CCSER1: variants seen among roughly 807,000 people sequenced by gnomAD.
The protein encoded by CCSER1 is serine-rich coiled-coil domain-containing protein 1.
A neutral mutation model predicts 82.0 loss-of-function variants in CCSER1; 41 were observed. The ratio of observed to expected loss-of-function variants is 0.50; its 90% confidence interval spans 0.39 to 0.65. CCSER1 has a LOEUF of 0.65. CCSER1 is among the 30% of genes least tolerant of loss of function. The probability of loss-of-function intolerance (pLI) is 0.00; values close to 1 mark genes in which losing one functional copy is unlikely to be tolerated. For missense variants in CCSER1, 1,119 were observed against 1,064.2 expected (o/e 1.05, Z -0.72); for synonymous variants, 414 against 383.9 (o/e 1.08, Z -0.92).
chr4:90,705,019 G>T (rs113685453), intron 6 of CCSER1, among the ~76,000 whole-genome samples: 34,477 of 152,150 alleles, frequency 0.23, 4,935 homozygotes, highest in African/African-American at 0.4. Flanking sequence ...CTGGTGAGGA[G>T]CTGTGTTCCT....
intron 5 of CCSER1, among the ~76,000 whole-genome samples, chr4:90,510,062 C>T (rs1771273103): frequency 6.6e-6 from 1 of 152,128 alleles, no homozygotes; most frequent in South Asian, 2.1e-4. Context: ...TTTAACATTT[C>T]TCCTTAGATG....
At chr4:91,217,030 G>GCGCGT (rs1352817317) in intron 10 of CCSER1, among the ~76,000 whole-genome samples, 1 of 152,116 alleles carries the variant, frequency 6.6e-6, no homozygotes, top group East Asian at 1.9e-4. Context: ...TCTTAAGGTG[G>GCGCGT]CGCGTCGCGA....
At chr4:91,082,049 A>G (rs1722821071) in intron 9 of CCSER1, among the ~76,000 whole-genome samples, 1 of 152,214 alleles carries the variant, frequency 6.6e-6, no homozygotes, top group Non-Finnish European at 1.5e-5. Context: ...TCTTCACAGA[A>G]GTGGAAAAAA....
At chr4:90,516,059 A>G (rs1305015543) in intron 5 of CCSER1, among the ~76,000 whole-genome samples, 1 of 152,196 alleles carries the variant, frequency 6.6e-6, no homozygotes, top group Non-Finnish European at 1.5e-5. Flanking sequence ...TGCAATTGCA[A>G]TATTGTAAGT....
At chr4:90,232,554 T>G (rs975262664) in intron 1 of CCSER1, among the ~76,000 whole-genome samples, 22 of 149,542 alleles carry the variant, frequency 1.5e-4, no homozygotes, top group Admixed American at 2.0e-4. Flanking sequence ...ATTCAGGACA[T>G]AGGCATGGGC....
chr4:91,229,471 A>G (rs1401477548), intron 10 of CCSER1, among the ~76,000 whole-genome samples: 1 of 152,116 alleles, frequency 6.6e-6, no homozygotes, highest in African/African-American at 2.4e-5. Flanking sequence ...TAGAACTCAG[A>G]GGATTAATTC....
intron 10 of CCSER1, among the ~76,000 whole-genome samples, chr4:91,498,889 CAT>C (rs1203209736): frequency 6.6e-6 from 1 of 151,886 alleles, no homozygotes; most frequent in Non-Finnish European, 1.5e-5. Context: ...TTATACATTT[CAT>C]ATTGCTTATA....
chr4:91,540,290 C>A (rs112176458), intron 10 of CCSER1, among the ~76,000 whole-genome samples: 41 of 152,210 alleles, frequency 2.7e-4, no homozygotes, highest in African/African-American at 9.4e-4. Context: ...GTATATCCTA[C>A]TGTAGATTTT....
chr4:91,175,605 G>A (rs1733250874), intron 10 of CCSER1, among the ~76,000 whole-genome samples: 1 of 152,102 alleles, frequency 6.6e-6, no homozygotes, highest in Non-Finnish European at 1.5e-5. Context: ...GTGTCTGTTG[G>A]CTGCATAAAT....
At chr4:90,715,211 G>A (rs1741407131) in intron 6 of CCSER1, among the ~76,000 whole-genome samples, 1 of 151,832 alleles carries the variant, frequency 6.6e-6, no homozygotes, top group Non-Finnish European at 1.5e-5. Context: ...TAATATGTTG[G>A]CCAGTATCTG....
chr4:90,666,101 A>G (rs969896583), intron 6 of CCSER1, among the ~76,000 whole-genome samples: 4 of 151,924 alleles, frequency 2.6e-5, no homozygotes, highest in African/African-American at 9.7e-5. Flanking sequence ...TTTTTCACCT[A>G]TCATATCTGC....
At chr4:91,147,991 G>C (rs114324139) in intron 10 of CCSER1, among the ~76,000 whole-genome samples, 4,223 of 152,114 alleles carry the variant, frequency 0.028, 184 homozygotes, top group African/African-American at 0.094. Flanking sequence ...TTTTATTTAA[G>C]AATACAAACA....
chr4:90,469,542 C>T (rs1217556843), intron 5 of CCSER1, among the ~76,000 whole-genome samples: 2 of 151,218 alleles, frequency 1.3e-5, no homozygotes, highest in Non-Finnish European at 3.0e-5. Context: ...CACACACACA[C>T]ACACACACAC....
At chr4:90,663,012 G>C (rs1428647384) in intron 6 of CCSER1, among the ~76,000 whole-genome samples, 1 of 152,102 alleles carries the variant, frequency 6.6e-6, no homozygotes, top group East Asian at 1.9e-4. Flanking sequence ...CTAATTGCTT[G>C]TTATGTTTTT....
At chr4:90,532,437 A>G (rs1774647867) in intron 5 of CCSER1, among the ~76,000 whole-genome samples, 1 of 151,950 alleles carries the variant, frequency 6.6e-6, no homozygotes. Context: ...ATCTGCTTTT[A>G]TACCCACTTT....
chr4:90,699,656 A>G (rs1057427122), intron 6 of CCSER1, among the ~76,000 whole-genome samples: 9 of 152,182 alleles, frequency 5.9e-5, no homozygotes, highest in Admixed American at 3.9e-4. Context: ...GAAAAAATGT[A>G]CAAAGTACAC....
intron 4 of CCSER1, among the ~76,000 whole-genome samples, chr4:90,409,280 C>T (rs1174399831): frequency 1.2e-4 from 18 of 152,042 alleles, no homozygotes; most frequent in South Asian, 8.3e-4. Context: ...ATACAGAGAA[C>T]GCCACAAAGA....
intron 6 of CCSER1, among the ~76,000 whole-genome samples, chr4:90,700,659 T>C (rs1024822994): frequency 3.3e-5 from 5 of 152,198 alleles, no homozygotes; most frequent in Non-Finnish European, 5.9e-5. Flanking sequence ...TGTTGTTTCC[T>C]GACTTTTTAA....
intron 10 of CCSER1, among the ~76,000 whole-genome samples, chr4:91,211,384 C>T (rs1185058924): frequency 6.6e-6 from 1 of 151,960 alleles, no homozygotes; most frequent in African/African-American, 2.4e-5. Context: ...GAGAAAGGTT[C>T]TTAGACCTAG....
Sources: gnomAD v4.1 joint callset for allele counts (sites outside exome capture counted in the v4.1 genomes callset) on GRCh38, gnomAD v4.1.1 for gene constraint, MANE v1.5 for transcripts, NCBI Gene and HGNC (gene_info 2026-07-23, HGNC 2026-07-21) for gene names.